The following SYNE1 variants were observed in gnomAD, a reference collection of about 807,000 sequenced individuals.
SYNE1 encodes the protein nesprin-1.
In SYNE1, 616 loss-of-function variants were observed where a neutral mutation model predicts 1,111.0. That is an observed-to-expected ratio of 0.55 (90% confidence interval 0.52 to 0.59). The LOEUF (loss-of-function observed/expected upper bound fraction) is 0.59, where lower values mean the gene tolerates loss of function less well. SYNE1 is among the 20% of genes least tolerant of loss of function. The pLI, the probability that SYNE1 is intolerant of heterozygous loss-of-function variation, is 0.00. For synonymous variants in SYNE1, 3,855 were observed against 3,825.8 expected, an observed-to-expected ratio of 1.01 and a Z score of -0.28; for missense variants, 10,006 against 10,417.0, an observed-to-expected ratio of 0.96 and a Z score of 1.72.
chr6:152,608,336 C>A (rs750600592), intron 3 of SYNE1, among the ~76,000 whole-genome samples: 6 of 152,126 alleles, frequency 3.9e-5, no homozygotes, highest in Non-Finnish European at 8.8e-5. Context: ...GAAAAAGATA[C>A]TGGCTATGGC....
intron 11 of SYNE1, among the ~76,000 whole-genome samples, chr6:152,489,258 C>T (rs1283122278): frequency 6.6e-6 from 1 of 152,070 alleles, no homozygotes; most frequent in African/African-American, 2.4e-5. Flanking sequence ...CATAATCATA[C>T]CGTACATGAT....
intron 3 of SYNE1, among the ~76,000 whole-genome samples, chr6:152,572,099 A>T (rs1028412152): frequency 3.3e-5 from 5 of 152,200 alleles, no homozygotes; most frequent in African/African-American, 1.2e-4. Context: ...GTAGAAATCA[A>T]ATATATTTTT....
chr6:152,609,633 G>A (rs372679909), intron 3 of SYNE1, among the ~76,000 whole-genome samples: 10 of 152,214 alleles, frequency 6.6e-5, no homozygotes, highest in South Asian at 4.1e-4. Context: ...CTCCCAGCAC[G>A]GCGTTTGAGC....
chr6:152,390,144 T>A, intron 53 of SYNE1, 136 bp downstream of exon 53: 1 of 920,190 alleles, frequency 1.1e-6, no homozygotes, highest in South Asian at 1.5e-5. Context: ...AAAACACAAC[T>A]TAGACAAAGA....
chr6:152,257,083 T>C (rs2091024870), intron 101 of SYNE1, among the ~76,000 whole-genome samples: 1 of 152,154 alleles, frequency 6.6e-6, no homozygotes, highest in South Asian at 2.1e-4. Flanking sequence ...TCTCAATAGC[T>C]AGAAGAGAGG....
chr6:152,627,576 T>G (rs1465001330), intron 3 of SYNE1, among the ~76,000 whole-genome samples: 1 of 151,998 alleles, frequency 6.6e-6, no homozygotes, highest in Non-Finnish European at 1.5e-5. Context: ...GAGAATCGCT[T>G]GAACAGGGAG....
rs1284569482 is a variant in SYNE1, at chr6:152,510,294, G to A, written c.480C>T (p.Ser160=). 1 of 1,614,088 alleles carries A rather than the reference G, an allele frequency of 6.2e-7. No homozygotes were observed. Among genetic ancestry groups the A allele is most frequent in the Non-Finnish European group, 8.5e-7 (1 of 1,179,988 alleles). Reference sequence around the variant, plus strand: ...TACTTGGTGGGCTGGGAGTCTCAGAGCTAACTATGCTGTCCACGGAGGATG... The same window carrying A: ...TACTTGGTGGGCTGGGAGTCTCAGAACTAACTATGCTGTCCACGGAGGATG... ...SSASSVDSIV[S]SETPSPPSKR... The change falls in exon 8 of 146, where the codon AGC becomes AGT. Residue 160 remains serine, a synonymous_variant. Transcript: ENST00000367255.
In SYNE1 at chr6:152,373,065, T is replaced by A; in HGVS notation, c.9479A>T (p.Asn3160Ile). The A allele has an allele frequency of 6.2e-7, 1 of 1,614,132 alleles. No homozygotes were observed. Among genetic ancestry groups the A allele is most frequent in the Non-Finnish European group, 8.5e-7 (1 of 1,180,020 alleles). ...AKEDWKNFHSNLHQKESALEN... is the reference protein window; with the variant it reads ...AKEDWKNFHSILHQKESALEN... ...TAGAGCAGATTCTTTTTGGTGGAGA[T>A]TTGAATGAAAATTTTTCCAATCTTC... The change falls in exon 59 of 146, where the codon AAT becomes ATT. Residue 3160 changes from asparagine (N) to isoleucine (I), a missense_variant. Physicochemically the swap from Asn to Ile is moderately radical, Grantham distance 149. Transcript: ENST00000367255.
intron 106 of SYNE1, among the ~76,000 whole-genome samples, chr6:152,243,433 C>G (rs749259212): frequency 6.6e-6 from 1 of 152,108 alleles, no homozygotes; most frequent in Non-Finnish European, 1.5e-5. Flanking sequence ...TGATGACACA[C>G]CAAACACAAA....
chr6:152,331,849 T>C lies in SYNE1; in HGVS notation c.12836A>G (p.Lys4279Arg). 1 of 1,613,668 alleles carries C rather than the reference T, an allele frequency of 6.2e-7. No homozygotes were observed. The highest frequency in any genetic ancestry group is 1.1e-5 in the South Asian group (1 of 91,080). ...CTCCTGCAATGCCAATGCTAACTTT[T>C]TCAAAGCTTCCAGGTGGACAGCTGT... ...ESTAVHLEALKKLALALQERK... is the reference protein window; with the variant it reads ...ESTAVHLEALRKLALALQERK... Residue 4279 changes from lysine to arginine, a missense_variant, in exon 78 of 146, where the codon AAA becomes AGA. Lys to Arg is a conservative substitution (Grantham distance 26). This residue lies in a region of SYNE1 where 4,955 missense variants were observed against 5,017.2 expected (regional missense o/e 0.99). Transcript: ENST00000367255.
At position 152,140,149 on chromosome 6, in the gene SYNE1, C is replaced by T. The variant is rs556231915; in HGVS notation, c.25259G>A (p.Arg8420Gln). The T allele has an allele frequency of 6.8e-6, 11 of 1,614,206 alleles. No individual in the cohort carries two copies. The highest frequency in any genetic ancestry group is 2.2e-5 in the East Asian group (1 of 44,878). Reference sequence around the variant, plus strand: ...TGCCTGGGCCTGGAGAAGCTCCCATCGGTCAATCACACCTGGCAAGACATG... The same window carrying T: ...TGCCTGGGCCTGGAGAAGCTCCCATTGGTCAATCACACCTGGCAAGACATG... The part of the protein sequence containing the change: ...TETQTAGVID[R>Q]WELLQAQALS... The change falls in exon 140 of 146, where the codon CGA becomes CAA. Residue 8420 changes from arginine to glutamine, a missense_variant. Physicochemically the swap from Arg to Gln is conservative, Grantham distance 43. Coordinates refer to ENST00000367255, the MANE Select transcript of SYNE1 (RefSeq NM_182961.4).
chr6:152,486,857 GT>G (rs2098943709), intron 12 of SYNE1, among the ~76,000 whole-genome samples: 1 of 152,098 alleles, frequency 6.6e-6, no homozygotes, highest in Non-Finnish European at 1.5e-5. Context: ...TGTCTACCAT[GT>G]TGAAGTTCTC....
At position 152,352,131 on chromosome 6, in the gene SYNE1, T is replaced by A; in HGVS notation, c.11476A>T (p.Lys3826Ter). 1 of 1,614,244 alleles carries A rather than the reference T, an allele frequency of 6.2e-7. No homozygotes were observed. The highest frequency in any genetic ancestry group is 8.5e-7 in the Non-Finnish European group (1 of 1,180,046). The stretch of plus-strand genomic sequence containing the variant: ...TCTGCTATCCACTGTGTCAGTGCTT[T>A]GCATTTATCTGAGAATTCCTTTGCT... ...HLAKEFSDKC[K>*]ALTQWIAEYQ... Residue 3826 changes from lysine (K) to a stop codon, truncating the protein, a stop_gained, in exon 70 of 146, where the codon AAA (lysine) becomes TAA (stop). Coordinates refer to ENST00000367255, the MANE Select transcript of SYNE1 (RefSeq NM_182961.4). LOFTEE classifies it high-confidence loss of function.
intron 49 of SYNE1, among the ~76,000 whole-genome samples, chr6:152,397,218 C>G (rs1014697083): frequency 2.0e-5 from 3 of 152,202 alleles, no homozygotes; most frequent in Non-Finnish European, 2.9e-5. Flanking sequence ...CGAGGACGTT[C>G]TCACCAAGGT....
In SYNE1 at chr6:152,573,181, T is replaced by A. The variant is rs181534143; in HGVS notation, c.68-33160A>T. On this transcript the variant is annotated intron_variant, in intron 3 of 145. Transcript: ENST00000367255. Reference sequence around the variant, plus strand: ...TCTATAGAGGAGGCTGATTTTTTTTTAAATTTTATTATTATTATACTTTAA... The same window carrying A: ...TCTATAGAGGAGGCTGATTTTTTTTAAAATTTTATTATTATTATACTTTAA... Among the ~76,000 whole-genome samples the A allele has an allele frequency of 4.2e-3, 636 of 152,032 alleles. 14 individuals carry two copies. The highest frequency in any genetic ancestry group is 5.3e-3 in the Non-Finnish European group (359 of 67,994).
intron 3 of SYNE1, among the ~76,000 whole-genome samples, chr6:152,565,406 T>C (rs2099409783): frequency 1.3e-5 from 2 of 152,192 alleles, no homozygotes; most frequent in South Asian, 2.1e-4. Context: ...TCCTCCAGTA[T>C]GGCATATGCA....
rs757737346 is a variant in SYNE1, at chr6:152,385,764, A to G, written c.8562T>C (p.Asp2854=). 19 of 1,614,146 alleles carry G rather than the reference A, an allele frequency of 1.2e-5. No homozygotes were observed. Among genetic ancestry groups the G allele is most frequent in the Middle Eastern group, 1.6e-4 (1 of 6,062 alleles). ...MYLDAVHEFT[D]WLHSAKEELH... ...GTTCTTCCTTTGCTGAATGGAGCCA[A>G]TCTGTGAACTCGTGGACCGCATCTA... The change falls in exon 55 of 146, where the codon GAT becomes GAC. Residue 2854 remains aspartate (D), a synonymous_variant. Coordinates refer to ENST00000367255, the MANE Select transcript of SYNE1 (RefSeq NM_182961.4).
rs370076911 is a variant in SYNE1 at position 152,240,729 on chromosome 6, G to A, written c.19894-1023C>T. Among the ~76,000 whole-genome samples the A allele has an allele frequency of 1.4e-4, 22 of 152,264 alleles. No individual in the cohort carries two copies. The South Asian group carries it at 3.1e-3, about 22-fold the overall frequency. On this transcript the variant is annotated intron_variant, in intron 107 of 145. Coordinates refer to ENST00000367255, the MANE Select transcript of SYNE1 (RefSeq NM_182961.4). ...ATAACTCTATGAGATAGGCAGTTTT[G>A]TTTCCAGTTTTACAGATGAGAACAC...
intron 91 of SYNE1, among the ~76,000 whole-genome samples, chr6:152,308,035 G>A (rs1404936621): frequency 6.6e-6 from 1 of 152,144 alleles, no homozygotes; most frequent in Non-Finnish European, 1.5e-5. Context: ...GTTTCACCAT[G>A]TTGTCCAGGA....
Sources: allele counts gnomAD v4.1 joint callset (sites outside exome capture counted in the v4.1 genomes callset), GRCh38; gene constraint gnomAD v4.1.1; regional missense constraint gnomAD v4.1.1; transcripts MANE v1.5; gene names NCBI Gene and HGNC (gene_info 2026-07-23, HGNC 2026-07-21).